DDX4: variants seen among roughly 807,000 people sequenced by gnomAD.
DDX4 encodes the protein probable ATP-dependent RNA helicase DDX4.
DDX4 carries 25 observed loss-of-function variants against 100.0 expected under a neutral mutation model. The ratio of observed to expected loss-of-function variants is 0.25; its 90% CI spans 0.18 to 0.35. The LOEUF (loss-of-function observed/expected upper bound fraction) is 0.35, where lower values mean the gene tolerates loss of function less well. Ranked by LOEUF, DDX4 falls within the 10% of genes least tolerant of loss-of-function variation. DDX4 has a pLI of 1.00. For missense variants in DDX4, 635 were observed against 882.4 expected, an observed-to-expected ratio of 0.72 and a Z score of 3.55; for synonymous variants, 259 against 275.7, an observed-to-expected ratio of 0.94 and a Z score of 0.60.
At chr5:55,742,838 A>G (rs188769154) in intron 2 of DDX4, among the ~76,000 whole-genome samples, 1 of 152,320 alleles carries the variant, frequency 6.6e-6, no homozygotes, top group Admixed American at 6.5e-5. Flanking sequence ...CCAAATAATT[A>G]TAGTGAAAAG....
chr5:55,798,229 A>G (rs1231943727), intron 17 of DDX4, among the ~76,000 whole-genome samples, 197 bp from the exon 18 acceptor site: 1 of 152,162 alleles, frequency 6.6e-6, no homozygotes, highest in Non-Finnish European at 1.5e-5. Context: ...TCTAGTAGTT[A>G]TGTATTTTGC....
intron 18 of DDX4, among the ~76,000 whole-genome samples, chr5:55,809,771 C>T (rs1744000459): frequency 1.3e-5 from 2 of 152,296 alleles, no homozygotes; most frequent in African/African-American, 4.8e-5. Flanking sequence ...GTCTGATGTA[C>T]ATCCCTAGTG....
At chr5:55,742,283 C>A (rs1759020731) in intron 2 of DDX4, 2 of 454,044 alleles carry the variant, frequency 4.4e-6, no homozygotes, top group Admixed American at 2.4e-5. Context: ...CCGTTGCTTA[C>A]TTACTAGCTG....
At chr5:55,750,600 A>G (rs1450725993) in intron 3 of DDX4, among the ~76,000 whole-genome samples, 2 of 152,076 alleles carry the variant, frequency 1.3e-5, no homozygotes, top group East Asian at 1.9e-4. Flanking sequence ...TTGTTTGGCA[A>G]TTTCTACATT....
At chr5:55,748,307 T>C (rs529713948) in intron 3 of DDX4, among the ~76,000 whole-genome samples, 2 of 152,324 alleles carry the variant, frequency 1.3e-5, no homozygotes, top group African/African-American at 2.4e-5. Flanking sequence ...ATAAACGTAA[T>C]AGATACCTTT....
At chr5:55,813,318 A>G (rs895018714) in intron 18 of DDX4, among the ~76,000 whole-genome samples, 5 of 152,180 alleles carry the variant, frequency 3.3e-5, no homozygotes, top group African/African-American at 1.2e-4. Flanking sequence ...AGACAGCAAA[A>G]AACATTTATA....
intron 18 of DDX4, among the ~76,000 whole-genome samples, chr5:55,808,009 G>A (rs1001575774): frequency 8.5e-5 from 13 of 152,234 alleles, no homozygotes; most frequent in African/African-American, 2.9e-4. Context: ...TGGAGGCTTT[G>A]TTCGTTTCTT....
intron 7 of DDX4, among the ~76,000 whole-genome samples, chr5:55,769,847 AC>A (rs1741148067): frequency 6.6e-6 from 1 of 151,858 alleles, no homozygotes; most frequent in South Asian, 2.1e-4. Flanking sequence ...AATAGAGAGC[AC>A]AAAAATAATG....
intron 17 of DDX4, among the ~76,000 whole-genome samples, chr5:55,795,800 G>A (rs1237606643): frequency 6.6e-6 from 1 of 152,152 alleles, no homozygotes; most frequent in African/African-American, 2.4e-5. Flanking sequence ...TGATATTAGG[G>A]TTCTCCAGAA....
intron 18 of DDX4, among the ~76,000 whole-genome samples, chr5:55,803,935 C>T (rs532761016): frequency 6.6e-6 from 1 of 152,210 alleles, no homozygotes; most frequent in South Asian, 2.1e-4. Context: ...TACAGTCCCA[C>T]CAACAGTGTA....
At chr5:55,783,681 G>A (rs1294005378) in intron 10 of DDX4, among the ~76,000 whole-genome samples, 2 of 125,708 alleles carry the variant, frequency 1.6e-5, no homozygotes, top group African/African-American at 5.7e-5. Context: ...ATGGATGAAT[G>A]GATGGATGAA....
In DDX4 at chr5:55,786,614, A is replaced by G. The variant is rs538262815; in HGVS notation, c.961A>G (p.Ile321Val). ...TCCTGTGCAAAAATACAGTATTCCTATCATACTTGCAGGACGAGATTTGAT... is the reference window on the plus strand; with the variant it reads ...TCCTGTGCAAAAATACAGTATTCCTGTCATACTTGCAGGACGAGATTTGAT... ...LTPVQKYSIP[I>V]ILAGRDLMAC... Residue 321 changes from isoleucine to valine, a missense_variant, in exon 14 of 22, where the codon ATC becomes GTC. Physicochemically the swap from Ile to Val is conservative, Grantham distance 29 (BLOSUM62 3). Transcript: ENST00000505374. 13 of 1,613,184 alleles carry G rather than the reference A, an allele frequency of 8.1e-6. No homozygotes were observed. The East Asian group carries it at 1.8e-4, about 22-fold the overall frequency.
At chr5:55,803,299 T>A (rs1001119597) in intron 18 of DDX4, among the ~76,000 whole-genome samples, 5 of 150,926 alleles carry the variant, frequency 3.3e-5, no homozygotes, top group African/African-American at 1.2e-4. Context: ...TAAGGCTGCA[T>A]AGTATTCCAT....
At chr5:55,816,062 A>G (rs1477879473) in intron 21 of DDX4, among the ~76,000 whole-genome samples, 3 of 151,696 alleles carry the variant, frequency 2.0e-5, no homozygotes, top group East Asian at 3.9e-4. Context: ...CTGAGATTAC[A>G]GGCGTGAGCC....
chr5:55,789,584 T>C (rs1296164909), intron 15 of DDX4, among the ~76,000 whole-genome samples: 2 of 152,218 alleles, frequency 1.3e-5, no homozygotes, highest in African/African-American at 4.8e-5. Flanking sequence ...TGCCACATTC[T>C]CTTTGTAAGA....
intron 18 of DDX4, among the ~76,000 whole-genome samples, chr5:55,804,072 G>A (rs1743523859): frequency 6.6e-6 from 1 of 152,004 alleles, no homozygotes; most frequent in Admixed American, 6.5e-5. Flanking sequence ...CTGATGGCCA[G>A]TGATGGTGAG....
chr5:55,808,762 C>T (rs1743920217), intron 18 of DDX4, among the ~76,000 whole-genome samples: 1 of 152,216 alleles, frequency 6.6e-6, no homozygotes, highest in Non-Finnish European at 1.5e-5. Context: ...CCTTGGGGGT[C>T]AGGGACCCGC....
intron 2 of DDX4, among the ~76,000 whole-genome samples, chr5:55,744,393 C>T (rs181517094): frequency 9.2e-5 from 14 of 152,072 alleles, no homozygotes; most frequent in African/African-American, 2.9e-4. Flanking sequence ...ATTTCAGAGC[C>T]GTATTCTGAA....
At chr5:55,804,247 G>A (rs1204109337) in intron 18 of DDX4, among the ~76,000 whole-genome samples, 6 of 150,596 alleles carry the variant, frequency 4.0e-5, no homozygotes, top group African/African-American at 1.2e-4. Flanking sequence ...AGTAGGTTGC[G>A]AAAATTTTCT....
Sources: gnomAD v4.1 joint callset for allele counts (sites outside exome capture counted in the v4.1 genomes callset) on GRCh38, gnomAD v4.1.1 for gene constraint, MANE v1.5 for transcripts, NCBI Gene and HGNC (gene_info 2026-07-23, HGNC 2026-07-21) for gene names.